Variants in RPGRIP1 observed in about 807,000 individuals in gnomAD.
RPGRIP1 encodes X-linked retinitis pigmentosa GTPase regulator-interacting protein 1.
RPGRIP1 carries 128 observed loss-of-function variants against 157.9 expected under a neutral mutation model. The observed-to-expected ratio is 0.81, with a 90% CI of 0.70 to 0.94. The LOEUF (loss-of-function observed/expected upper bound fraction) is 0.94, where lower values mean the gene tolerates loss of function less well. Among genes scored for constraint, RPGRIP1 ranks in the 40% least tolerant of loss-of-function variants. RPGRIP1 has a pLI of 0.00. For synonymous variants in RPGRIP1, 554 were observed against 571.6 expected, an observed-to-expected ratio of 0.97 and a Z score of 0.44; for missense variants, 1,486 against 1,545.8, an observed-to-expected ratio of 0.96 and a Z score of 0.65.
intron 1 of RPGRIP1, among the ~76,000 whole-genome samples, chr14:21,284,471 G>A (rs1280927604): frequency 6.6e-6 from 1 of 151,672 alleles, no homozygotes; most frequent in Non-Finnish European, 1.5e-5. Flanking sequence ...TTTACTAGGG[G>A]AAACATTTGA....
Position 21,321,184 on chromosome 14 carries a change from C to G in RPGRIP1, c.1468-75C>G, listed in dbSNP as rs1882417619. 17 of 1,456,558 alleles carry G rather than the reference C, an allele frequency of 1.2e-5. No homozygotes were observed. In the South Asian group the frequency reaches 2.1e-4, roughly 18 times the overall value. 90.2% of individuals were successfully genotyped at this position (1,456,558 alleles called of 1,614,324 possible). ...GCTGGCATTTTACTACTACCAACAA[C>G]TGTTTTATGGAGAATCATTATTACT... On this transcript the variant is annotated intron_variant, in intron 12 of 24. Transcript: ENST00000400017.
At chr14:21,306,008 G>T (rs1881282998) in intron 6 of RPGRIP1, among the ~76,000 whole-genome samples, 1 of 151,118 alleles carries the variant, frequency 6.6e-6, no homozygotes, top group African/African-American at 2.4e-5. Context: ...GCTAGACAGG[G>T]AATCAATGAG....
At chr14:21,311,408 TG>T (rs1164101877) in intron 8 of RPGRIP1, among the ~76,000 whole-genome samples, 1 of 151,926 alleles carries the variant, frequency 6.6e-6, no homozygotes. Context: ...AAAAATTAGC[TG>T]GGCGTGGTGG....
At chr14:21,300,792 C>T (rs1880992042) in intron 3 of RPGRIP1, among the ~76,000 whole-genome samples, 174 bp from the exon 4 acceptor site, 1 of 149,832 alleles carries the variant, frequency 6.7e-6, no homozygotes, top group Non-Finnish European at 1.5e-5. Flanking sequence ...ATGGCCCTGC[C>T]CTCAAAGAGT....
chr14:21,290,187 A>G (rs548271498), intron 2 of RPGRIP1, among the ~76,000 whole-genome samples: 1 of 152,148 alleles, frequency 6.6e-6, no homozygotes, highest in East Asian at 1.9e-4. Flanking sequence ...GCACAAATCT[A>G]GATGTAGAAT....
chr14:21,348,365 T>A, intron 24 of RPGRIP1, 63 bp downstream of exon 24: 1 of 1,248,108 alleles, frequency 8.0e-7, no homozygotes, highest in Non-Finnish European at 1.1e-6. Context: ...GTGAATATAT[T>A]TTATCTTCAA....
At chr14:21,324,561 A>C in intron 14 of RPGRIP1, 57 bp from the exon 15 acceptor site, 1 of 1,410,568 alleles carries the variant, frequency 7.1e-7, no homozygotes, top group Non-Finnish European at 1.0e-6. Context: ...ACCCTCCTCT[A>C]CCCTAAGAAA....
rs368706187 is a variant in RPGRIP1, at chr14:21,281,704, A to AAAAAAT, written c.-39+1547_-39+1548insAAATAA. On this transcript the variant is annotated intron_variant, in intron 1 of 24. Coordinates refer to ENST00000400017, the MANE Select transcript of RPGRIP1 (RefSeq NM_020366.4). ...ACCTTGTCTCAAAAAAAAAAAAAAT[A>AAAAAAT]AATAATAATAATAATAATAATAATA... 2.0e-3 allele frequency among the ~76,000 whole-genome samples: 272 copies of AAAAAAT among 133,934 alleles called. 2 individuals are homozygous for AAAAAAT. The highest frequency in any genetic ancestry group is 7.4e-3 in the African/African-American group (250 of 33,828). The allele number at this position is 133,934 out of a possible 152,430, so 87.9% of individuals were successfully genotyped here. A position where few individuals can be genotyped will look rare whatever the true frequency, so the allele number is the denominator to read the frequency against.
chr14:21,287,843 T>C, intron 1 of RPGRIP1, 96 bp from the exon 2 acceptor site: 1 of 628,398 alleles, frequency 1.6e-6, no homozygotes, highest in Non-Finnish European at 2.9e-6. Flanking sequence ...TATACCATCA[T>C]GAAAGTGCTG....
intron 21 of RPGRIP1, among the ~76,000 whole-genome samples, chr14:21,339,360 G>A (rs1884744774): frequency 6.6e-6 from 1 of 151,478 alleles, no homozygotes; most frequent in African/African-American, 2.4e-5. Context: ...AAAGGAGAAT[G>A]GTTTGAACCA....
intron 16 of RPGRIP1, 96 bp downstream of exon 16, chr14:21,325,479 A>G (rs1882983770): frequency 1.7e-6 from 2 of 1,191,996 alleles, no homozygotes; most frequent in Admixed American, 5.2e-5. Flanking sequence ...GTGTTTGTTG[A>G]ATGTGAATGA....
intron 5 of RPGRIP1, 44 bp from the exon 6 acceptor site, chr14:21,303,286 TA>T: frequency 6.9e-7 from 1 of 1,439,450 alleles, no homozygotes; most frequent in Non-Finnish European, 9.6e-7. Flanking sequence ...AACCCAATTC[TA>T]AACTCCTGTA....
intron 2 of RPGRIP1, among the ~76,000 whole-genome samples, chr14:21,292,990 C>CAAAAAAAAAAA (rs1481072422): frequency 2.2e-4 from 33 of 151,624 alleles, no homozygotes; most frequent in African/African-American, 7.7e-4. Flanking sequence ...ACTAAAAATA[C>CAAAAAAAAAAA]AAAAAATTAG....
chr14:21,311,331 G>T (rs1473000676), intron 8 of RPGRIP1, among the ~76,000 whole-genome samples: 1 of 152,094 alleles, frequency 6.6e-6, no homozygotes, highest in African/African-American at 2.4e-5. Context: ...GCGGGTGGAT[G>T]ACCTAAGGTC....
chr14:21,316,621 T>G (rs1283946314), intron 10 of RPGRIP1, among the ~76,000 whole-genome samples: 2 of 152,140 alleles, frequency 1.3e-5, no homozygotes. Flanking sequence ...TTTCACTATG[T>G]TGGCCAGGCT....
intron 1 of RPGRIP1, among the ~76,000 whole-genome samples, chr14:21,280,596 A>G: frequency 6.6e-6 from 1 of 152,062 alleles, no homozygotes; most frequent in Non-Finnish European, 1.5e-5. Flanking sequence ...ATCCAGCACA[A>G]CATTACCAAG....
chr14:21,280,390 A>G (rs1044042620), intron 1 of RPGRIP1, among the ~76,000 whole-genome samples: 4 of 151,832 alleles, frequency 2.6e-5, no homozygotes, highest in South Asian at 2.1e-4. Flanking sequence ...GACTACAGGC[A>G]TGCGCCACCA....
intron 2 of RPGRIP1, among the ~76,000 whole-genome samples, chr14:21,290,905 G>A (rs1175897238): frequency 3.3e-5 from 5 of 151,228 alleles, no homozygotes; most frequent in Non-Finnish European, 7.4e-5. Flanking sequence ...GGAGGCTGAG[G>A]CATGAGAAAA....
At chr14:21,295,701 C>T (rs537603450) in intron 3 of RPGRIP1, among the ~76,000 whole-genome samples, 1 of 152,114 alleles carries the variant, frequency 6.6e-6, no homozygotes, top group East Asian at 1.9e-4. Flanking sequence ...GTCTTGAACT[C>T]TTGACCTCAG....
Sources: allele counts gnomAD v4.1 joint callset (sites outside exome capture counted in the v4.1 genomes callset), GRCh38; gene constraint gnomAD v4.1.1; transcripts MANE v1.5; gene names NCBI Gene and HGNC (gene_info 2026-07-23, HGNC 2026-07-21).